The following DLC1 variants were observed in gnomAD, a reference collection of about 807,000 sequenced individuals.
DLC1 encodes the protein rho GTPase-activating protein 7.
A neutral mutation model predicts 140.3 loss-of-function variants in DLC1; 54 were observed. The ratio of observed to expected loss-of-function variants is 0.38; its 90% CI spans 0.31 to 0.48. The LOEUF is 0.48. Ranked by LOEUF, DLC1 falls within the 20% of genes least tolerant of loss-of-function variation. The probability of loss-of-function intolerance (pLI) is 0.96; values close to 1 mark genes in which losing one functional copy is unlikely to be tolerated. For synonymous variants in DLC1, 986 were observed against 728.1 expected, an observed-to-expected ratio of 1.35 and a Z score of -5.70; for missense variants, 2,536 against 1,907.0, an observed-to-expected ratio of 1.33 and a Z score of -6.14.
intron 5 of DLC1, among the ~76,000 whole-genome samples, chr8:13,208,751 C>T (rs1363054532): frequency 7.2e-6 from 1 of 138,288 alleles, no homozygotes. Flanking sequence ...CACAGACACA[C>T]ACACACACAC....
At chr8:13,459,033 C>A (rs1256020034) in intron 2 of DLC1, among the ~76,000 whole-genome samples, 5 of 152,310 alleles carry the variant, frequency 3.3e-5, no homozygotes, top group Admixed American at 6.5e-5. Flanking sequence ...CAATCTATTT[C>A]TTGCATCCAG....
rs1416962257 is a variant in DLC1, at chr8:13,276,681, A to C, written c.1348+28588T>G. On this transcript the variant is annotated intron_variant, in intron 5 of 17. Transcript: ENST00000276297. ...CCGGAGGCGTCTCGCTTCCTGTGCA[A>C]CCCAATGACTCACCTGGGTCCGCGC... The C allele has an allele frequency of 7.2e-6, 7 of 978,556 alleles. No individual in the cohort carries two copies. In the African/African-American group the frequency reaches 1.0e-4, roughly 14 times the overall value. 60.6% of individuals were successfully genotyped at this position (978,556 alleles called of 1,614,324 possible).
upstream of DLC1, among the ~76,000 whole-genome samples, chr8:13,517,286 C>A (rs1360535031): frequency 6.6e-6 from 1 of 152,110 alleles, no homozygotes; most frequent in African/African-American, 2.4e-5. Context: ...ATACTGTACC[C>A]CGCGCCATAT....
intron 3 of DLC1, among the ~76,000 whole-genome samples, chr8:13,394,637 C>T (rs1176027030): frequency 6.6e-6 from 1 of 152,154 alleles, no homozygotes; most frequent in Non-Finnish European, 1.5e-5. Flanking sequence ...ATTTAAATAT[C>T]TCTATGTATC....
intron 2 of DLC1, among the ~76,000 whole-genome samples, chr8:13,437,456 C>T (rs778969590): frequency 2.0e-5 from 3 of 152,142 alleles, no homozygotes; most frequent in Non-Finnish European, 2.9e-5. Flanking sequence ...AGAGTTCGAT[C>T]GTATGCATGA....
At chr8:13,436,402 A>G (rs762217838) in intron 2 of DLC1, among the ~76,000 whole-genome samples, 1 of 152,212 alleles carries the variant, frequency 6.6e-6, no homozygotes, top group Non-Finnish European at 1.5e-5. Context: ...TCAATTACCT[A>G]TCAAGAGTTA....
intron 5 of DLC1, among the ~76,000 whole-genome samples, chr8:13,217,041 C>G (rs1166471252): frequency 2.0e-5 from 3 of 152,054 alleles, no homozygotes; most frequent in East Asian, 1.9e-4. Context: ...AATCTAAGCC[C>G]CACTTCCTAG....
chr8:13,474,459 G>A (rs1396991038), intron 2 of DLC1, among the ~76,000 whole-genome samples: 1 of 152,180 alleles, frequency 6.6e-6, no homozygotes, highest in Non-Finnish European at 1.5e-5. Context: ...CCCCCAAGTA[G>A]AGTCCCTACT....
chr8:13,472,918 A>G (rs1341919280), intron 2 of DLC1, among the ~76,000 whole-genome samples: 1 of 152,200 alleles, frequency 6.6e-6, no homozygotes, highest in Non-Finnish European at 1.5e-5. Context: ...ATAATCTATC[A>G]ATTAACAAAT....
intron 5 of DLC1, among the ~76,000 whole-genome samples, chr8:13,201,656 G>A (rs1827385941): frequency 6.6e-6 from 1 of 151,702 alleles, no homozygotes; most frequent in South Asian, 2.1e-4. Context: ...TGAGATTTTT[G>A]GAGTCTCCAA....
chr8:13,526,359 G>A (rs1240036653), intron 1 of DLC1, among the ~76,000 whole-genome samples: 2 of 151,950 alleles, frequency 1.3e-5, no homozygotes, highest in African/African-American at 4.8e-5. Context: ...AAGACTGTTG[G>A]GATTTTGATC....
intron 1 of DLC1, among the ~76,000 whole-genome samples, chr8:13,530,168 C>G (rs1479999286): frequency 6.6e-6 from 1 of 152,140 alleles, no homozygotes; most frequent in African/African-American, 2.4e-5. Flanking sequence ...ATGAGGGATG[C>G]TTTGCAACCT....
Position 13,093,403 on chromosome 8 carries a change from A to C in DLC1, c.3527-578T>G, listed in dbSNP as rs553636687. ...GAACTGAAAATATTCAGTTCAGTTC[A>C]ATTAATAAATAAAACACACTGAATT... On this transcript the variant is annotated intron_variant, in intron 12 of 17. Coordinates refer to ENST00000276297, the MANE Select transcript of DLC1 (RefSeq NM_182643.3). Among the ~76,000 whole-genome samples the C allele has an allele frequency of 7.9e-5, 12 of 152,282 alleles. No individual in the cohort carries two copies. The South Asian group carries it at 2.3e-3, about 29-fold the overall frequency.
intron 5 of DLC1, among the ~76,000 whole-genome samples, chr8:13,187,774 A>C (rs541683839): frequency 6.6e-6 from 1 of 152,254 alleles, no homozygotes; most frequent in African/African-American, 2.4e-5. Flanking sequence ...GGCACCACTA[A>C]CATTTGTGGG....
At chr8:13,177,528 C>A (rs904538062) in intron 5 of DLC1, among the ~76,000 whole-genome samples, 1 of 152,130 alleles carries the variant, frequency 6.6e-6, no homozygotes, top group Non-Finnish European at 1.5e-5. Flanking sequence ...CACATTCCTG[C>A]GTAAGAGATG....
At chr8:13,266,342 A>G (rs1199634878) in intron 5 of DLC1, among the ~76,000 whole-genome samples, 2 of 152,100 alleles carry the variant, frequency 1.3e-5, no homozygotes, top group Admixed American at 1.3e-4. Context: ...CATGTTTTGT[A>G]TGTTGTTTGG....
At chr8:13,388,436 C>T (rs1836614406) in intron 4 of DLC1, among the ~76,000 whole-genome samples, 1 of 152,054 alleles carries the variant, frequency 6.6e-6, no homozygotes, top group Admixed American at 6.6e-5. Flanking sequence ...ACATTGGTAA[C>T]AATAAATCTG....
At chr8:13,193,571 A>G (rs969734873) in intron 5 of DLC1, among the ~76,000 whole-genome samples, 9 of 152,128 alleles carry the variant, frequency 5.9e-5, no homozygotes, top group South Asian at 2.1e-4. Context: ...ATTTATCTTT[A>G]TTTCTGTTGT....
intron 17 of DLC1, 144 bp from the exon 18 acceptor site, chr8:13,086,075 T>G: frequency 7.1e-7 from 1 of 1,410,154 alleles, no homozygotes; most frequent in East Asian, 2.5e-5. Flanking sequence ...CTACCATATT[T>G]GCTTTGCTTT....
Sources: gnomAD v4.1 joint callset for allele counts (sites outside exome capture counted in the v4.1 genomes callset) on GRCh38, gnomAD v4.1.1 for gene constraint, MANE v1.5 for transcripts, NCBI Gene and HGNC (gene_info 2026-07-23, HGNC 2026-07-21) for gene names.